Variants in MLIP observed in about 807,000 individuals in gnomAD.
MLIP encodes muscular LMNA interacting protein.
MLIP carries 79 observed loss-of-function variants against 84.8 expected under a neutral mutation model. That is an observed-to-expected ratio of 0.93 (90% CI 0.78 to 1.12). MLIP has a LOEUF of 1.12. Ranked by LOEUF, MLIP falls within the 50% of genes most tolerant of loss-of-function variation. The pLI, the probability that MLIP is intolerant of heterozygous loss-of-function variation, is 0.00. For missense variants in MLIP, 1,257 were observed against 1,160.6 expected, an observed-to-expected ratio of 1.08 and a Z score of -1.21; for synonymous variants, 504 against 463.0, an observed-to-expected ratio of 1.09 and a Z score of -1.14.
At chr6:54,209,089 A>G (rs904998691) in intron 11 of MLIP, among the ~76,000 whole-genome samples, 155 of 152,302 alleles carry the variant, frequency 1.0e-3, no homozygotes, top group African/African-American at 3.5e-3. Context: ...GTTTAAAAAC[A>G]TTTTACAATC....
intron 9 of MLIP, among the ~76,000 whole-genome samples, chr6:54,183,925 G>A (rs908434763): frequency 2.0e-5 from 3 of 151,850 alleles, no homozygotes; most frequent in Non-Finnish European, 1.5e-5. Flanking sequence ...TGGCCTTGGC[G>A]TCTAACATTT....
At chr6:54,087,893 GGCTTTCTGAAGAGCCTAAA>G (rs1354198800) in intron 1 of MLIP, among the ~76,000 whole-genome samples, 3 of 151,500 alleles carry the variant, frequency 2.0e-5, no homozygotes, top group African/African-American at 7.3e-5. Context: ...GCAGCGATCA[GGCTTTCTGAAGAGCCTAAA>G]GCTCTACCTG....
chr6:54,086,524 A>G (rs1254447481), intron 1 of MLIP, among the ~76,000 whole-genome samples: 1 of 152,192 alleles, frequency 6.6e-6, no homozygotes, highest in Non-Finnish European at 1.5e-5. Flanking sequence ...TAATATGCTC[A>G]TTGCTACTGG....
At position 54,230,851 on chromosome 6, in the gene MLIP, G is replaced by T. The variant is rs956136942; in HGVS notation, c.2856G>T (p.Leu952=). The change falls in exon 12 of 14, where the codon CTG becomes CTT. Residue 952 remains leucine, a synonymous_variant. Transcript: ENST00000502396. Reference sequence around the variant, plus strand: ...TTGCCCCAGGACCCTTCAGTCATCTGTCCTTCTCCTTGAGTGATGAACAGG... The same window carrying T: ...TTGCCCCAGGACCCTTCAGTCATCTTTCCTTCTCCTTGAGTGATGAACAGG... ...DCLAPGPFSH[L]SFSLSDEQEN... is the part of the protein sequence containing the mutation. 30 of 1,613,918 alleles carry T rather than the reference G, an allele frequency of 1.9e-5. No homozygotes were observed. Among genetic ancestry groups the T allele is most frequent in the Non-Finnish European group, 2.5e-5 (29 of 1,179,968 alleles).
intron 9 of MLIP, among the ~76,000 whole-genome samples, chr6:54,182,680 CTT>C (rs1317438269): frequency 6.6e-6 from 1 of 152,150 alleles, no homozygotes; most frequent in Non-Finnish European, 1.5e-5. Context: ...AATTTTTTGT[CTT>C]TGCATTATAT....
At chr6:54,050,183 C>G (rs1046548071) in intron 1 of MLIP, among the ~76,000 whole-genome samples, 1 of 151,964 alleles carries the variant, frequency 6.6e-6, no homozygotes, top group Admixed American at 6.6e-5. Flanking sequence ...CTTGTATATA[C>G]CTAAGTATAT....
At chr6:54,095,061 A>G (rs1261139150) in intron 1 of MLIP, among the ~76,000 whole-genome samples, 1 of 152,216 alleles carries the variant, frequency 6.6e-6, no homozygotes, top group Non-Finnish European at 1.5e-5. Flanking sequence ...CACGCTCCAC[A>G]GCCAGCCAGC....
chr6:54,260,547 G>A lies in MLIP; in HGVS notation c.2976+3186G>A, dbSNP rs191309590. On this transcript the variant is annotated intron_variant, in intron 13 of 13. Transcript: ENST00000502396. ...AGTTCCTTCATTGGCAGTCTAGGAA[G>A]GCCAATCAAATAAATCCATCATTCA... Among the ~76,000 whole-genome samples, 509 of 151,964 alleles carry A rather than the reference G, an allele frequency of 3.3e-3. 3 individuals are homozygous for A. Among genetic ancestry groups the A allele is most frequent in the African/African-American group, 0.012 (478 of 41,508 alleles).
At chr6:54,158,153 GAA>G (rs1774236918) in intron 5 of MLIP, among the ~76,000 whole-genome samples, 1 of 152,198 alleles carries the variant, frequency 6.6e-6, no homozygotes, top group South Asian at 2.1e-4. Flanking sequence ...TTAGAAGGAG[GAA>G]AAGAGATTTT....
chr6:54,107,206 G>A (rs115928554), upstream of MLIP, among the ~76,000 whole-genome samples: 1,905 of 152,228 alleles, frequency 0.013, 48 homozygotes, highest in African/African-American at 0.042. Flanking sequence ...AAGGACTACT[G>A]ATATCTTTTT....
chr6:54,215,114 C>G (rs1286357520), intron 11 of MLIP: 2 of 1,512,304 alleles, frequency 1.3e-6, no homozygotes, highest in Non-Finnish European at 8.9e-7. Context: ...TACTTCCTCA[C>G]TAAAAGCTGT....
intron 9 of MLIP, among the ~76,000 whole-genome samples, chr6:54,183,637 G>T (rs1048331976): frequency 2.2e-4 from 10 of 44,670 alleles, no homozygotes; most frequent in African/African-American, 4.6e-4. Flanking sequence ...CTATCTTAAA[G>T]AATCAAACTT....
chr6:54,124,971 C>A, intron 3 of MLIP, 106 bp downstream of exon 3: 2 of 936,092 alleles, frequency 2.1e-6, no homozygotes, highest in Non-Finnish European at 1.5e-6. Context: ...ACAAAACTTT[C>A]AAAGAAAAAT....
At chr6:54,060,171 G>T (rs1765887975) in intron 1 of MLIP, among the ~76,000 whole-genome samples, 1 of 152,176 alleles carries the variant, frequency 6.6e-6, no homozygotes, top group Non-Finnish European at 1.5e-5. Flanking sequence ...GGAAAGTCTA[G>T]ATACCTTCAG....
chr6:54,121,324 C>A, intron 1 of MLIP, 123 bp from the exon 2 acceptor site: 1 of 991,056 alleles, frequency 1.0e-6, no homozygotes, highest in Non-Finnish European at 1.5e-6. Context: ...CAGCCATATA[C>A]ATGATCACAG....
At chr6:54,175,437 T>C (rs1034649558) in intron 9 of MLIP, among the ~76,000 whole-genome samples, 3 of 151,946 alleles carry the variant, frequency 2.0e-5, no homozygotes, top group African/African-American at 7.2e-5. Context: ...CATTTTATAG[T>C]TTTCATTGTA....
intron 1 of MLIP, among the ~76,000 whole-genome samples, chr6:54,032,642 C>T (rs1764205716): frequency 1.3e-5 from 2 of 152,188 alleles, no homozygotes; most frequent in South Asian, 2.1e-4. Flanking sequence ...CAACCCCTGC[C>T]TCTTGGGTTT....
At chr6:54,228,124 A>G (rs1436640765) in intron 11 of MLIP, among the ~76,000 whole-genome samples, 2 of 118,936 alleles carry the variant, frequency 1.7e-5, no homozygotes, top group Non-Finnish European at 3.6e-5. Flanking sequence ...CGGAGCTTGC[A>G]GTGAGCCGAG....
At chr6:54,059,899 T>C (rs9296736) in intron 1 of MLIP, among the ~76,000 whole-genome samples, 77,887 of 152,088 alleles carry the variant, frequency 0.51, 23,869 homozygotes, top group Non-Finnish European at 0.69. Flanking sequence ...CAATGGTTAT[T>C]TCCTTTCTAG....
Sources: gnomAD v4.1 joint callset for allele counts (sites outside exome capture counted in the v4.1 genomes callset) on GRCh38, gnomAD v4.1.1 for gene constraint, MANE v1.5 for transcripts, NCBI Gene and HGNC (gene_info 2026-07-23, HGNC 2026-07-21) for gene names.